Variants in PPL observed in about 807,000 individuals in gnomAD.
PPL encodes periplakin.
Under a neutral mutation model 194.4 loss-of-function variants are expected in PPL, and 198 were observed. That is an observed-to-expected ratio of 1.02 (90% CI 0.91 to 1.15). PPL has a LOEUF of 1.15. Ranked by LOEUF, PPL falls within the 50% of genes most tolerant of loss-of-function variation. The pLI is 0.00. For synonymous variants in PPL, 1,220 were observed against 972.4 expected, an observed-to-expected ratio of 1.25 and a Z score of -4.74; for missense variants, 2,885 against 2,294.8, an observed-to-expected ratio of 1.26 and a Z score of -5.25.
At chr16:4,925,955 G>T (rs964814230) in intron 1 of PPL, among the ~76,000 whole-genome samples, 1 of 152,166 alleles carries the variant, frequency 6.6e-6, no homozygotes, top group Admixed American at 6.5e-5. Flanking sequence ...CCCAGTGGTT[G>T]GTTGGGTAAG....
In PPL at chr16:4,886,096, A is replaced by C. The variant is rs764132336; in HGVS notation, c.2608-49T>G. 4 of 1,610,466 alleles carry C rather than the reference A, an allele frequency of 2.5e-6. 1 individual carries two copies. The African/African-American group carries it at 4.0e-5, about 16-fold the overall frequency. ...GGTTAAAGCCAGGCTCTGGCAGCACATGTAGGGCCTGTCCCCACCTGGTCA... is the reference window on the plus strand; with the variant it reads ...GGTTAAAGCCAGGCTCTGGCAGCACCTGTAGGGCCTGTCCCCACCTGGTCA... On this transcript the variant is annotated intron_variant, in intron 21 of 21. Transcript: ENST00000345988.
rs374149717 is a variant in PPL, at chr16:4,884,391, G to A, written c.4264C>T (p.Arg1422Trp). Residue 1422 changes from arginine (R) to tryptophan (W), a missense_variant, in exon 22 of 22, where the codon CGG becomes TGG. Transcript: ENST00000345988. The surrounding 1 kb of genome is among the most constrained non-coding windows in gnomAD (Gnocchi z 5.7). Reference protein sequence around the residue: ...ARREAEREVQRLQQRLAALEQ... With the variant: ...ARREAEREVQWLQQRLAALEQ... The stretch of plus-strand genomic sequence containing the variant: ...AGCGCTGCCAGCCGCTGCTGCAACC[G>A]CTGTACCTCGCGCTCGGCCTCCCTG... The A allele has an allele frequency of 7.8e-5, 125 of 1,609,814 alleles. No individual in the cohort carries two copies. Among genetic ancestry groups the A allele is most frequent in the Admixed American group, 3.2e-4 (19 of 59,030 alleles).
At chr16:4,897,081 T>C (rs2088444957) in intron 9 of PPL, among the ~76,000 whole-genome samples, 1 of 151,754 alleles carries the variant, frequency 6.6e-6, no homozygotes, top group Non-Finnish European at 1.5e-5. Flanking sequence ...ACACCTGTAA[T>C]CCCAACACTT....
intron 3 of PPL, among the ~76,000 whole-genome samples, chr16:4,903,004 CA>C (rs2088607900): frequency 6.6e-6 from 1 of 152,168 alleles, no homozygotes; most frequent in Non-Finnish European, 1.5e-5. Flanking sequence ...CACTTTCCCT[CA>C]ACCTTCCTTC....
intron 1 of PPL, among the ~76,000 whole-genome samples, chr16:4,928,842 C>G (rs2089191893): frequency 6.6e-6 from 1 of 151,920 alleles, no homozygotes; most frequent in Non-Finnish European, 1.5e-5. Flanking sequence ...GAAACCCCGT[C>G]TCTACTAAAA....
chr16:4,899,110 T>G lies in PPL; in HGVS notation c.779A>C (p.Asn260Thr), dbSNP rs143952365. 1.0e-4 allele frequency: 158 copies of G among 1,583,684 alleles called. No individual in the cohort carries two copies. In the African/African-American group the frequency reaches 1.9e-3, roughly 19 times the overall value. Residue 260 changes from asparagine to threonine, a missense_variant, in exon 8 of 22, where the codon AAC (asparagine) becomes ACC (threonine). Transcript: ENST00000345988. ...SRRRQYENFI[N>T]RNLEAKEERI... ...CTCCTCTTTGGCCTCCAGGTTCCGG[T>G]TGATGAAATTCTGCAGTGGGGGGCA... is the stretch of plus-strand genomic sequence containing the variant.
At chr16:4,895,763 A>C in intron 9 of PPL, 47 bp from the exon 10 acceptor site, 2 of 1,611,908 alleles carry the variant, frequency 1.2e-6, no homozygotes, top group Non-Finnish European at 1.7e-6. Flanking sequence ...CACTAGAAGC[A>C]CCTGGGCTTC....
Position 4,891,954 on chromosome 16 carries a change from G to A in PPL, c.1830-5C>T. The A allele has an allele frequency of 6.2e-7, 1 of 1,612,354 alleles. No homozygotes were observed. The highest frequency in any genetic ancestry group is 8.5e-7 in the Non-Finnish European group (1 of 1,179,510). On this transcript the variant is annotated splice_region_variant and splice_polypyrimidine_tract_variant and intron_variant, in intron 15 of 21. Transcript: ENST00000345988. ...AGGCGGTTGGCCACATCAACCCTGAGAGCACCAATCAGGCGTCGGGGGATG... is the reference window on the plus strand; with the variant it reads ...AGGCGGTTGGCCACATCAACCCTGAAAGCACCAATCAGGCGTCGGGGGATG...
chr16:4,917,999 C>A (rs376870697), intron 1 of PPL, among the ~76,000 whole-genome samples: 4 of 139,226 alleles, frequency 2.9e-5, no homozygotes, highest in African/African-American at 2.7e-5. Context: ...AAAAAAAAAA[C>A]ACAAAAAAGG....
rs199945441 is a variant in PPL at position 4,888,946 on chromosome 16, T to C, written c.2397+32A>G. On this transcript the variant is annotated intron_variant, in intron 19 of 21. Transcript: ENST00000345988. ...GCACGGTGGAATAAGACCCCTGCTG[T>C]TTGTGCTTTGGGCGGAAGTTTCCCG... is the stretch of plus-strand genomic sequence containing the variant. The C allele has an allele frequency of 3.8e-3, 6,143 of 1,602,412 alleles. 12 individuals carry two copies. Among genetic ancestry groups the C allele is most frequent in the Non-Finnish European group, 4.7e-3 (5,484 of 1,170,776 alleles).
intron 2 of PPL, among the ~76,000 whole-genome samples, chr16:4,908,135 C>T (rs1292791893): frequency 2.0e-5 from 3 of 147,096 alleles, no homozygotes; most frequent in East Asian, 4.0e-4. Context: ...GCACTCCAGC[C>T]TGGACAACAG....
intron 19 of PPL, chr16:4,888,605 G>A (rs1419091192): frequency 3.1e-6 from 1 of 320,666 alleles, no homozygotes; most frequent in East Asian, 5.8e-5. Flanking sequence ...TCAGGTGGAT[G>A]TGTGCTGATT....
chr16:4,912,099 GTCACTGGCT>G (rs1261073605), intron 1 of PPL, among the ~76,000 whole-genome samples: 4 of 152,198 alleles, frequency 2.6e-5, no homozygotes, highest in African/African-American at 9.7e-5. Context: ...AAAATACACA[GTCACTGGCT>G]TTTAGTACTA....
At chr16:4,889,758 G>A (rs541935351) in intron 18 of PPL, among the ~76,000 whole-genome samples, 12 of 152,344 alleles carry the variant, frequency 7.9e-5, no homozygotes, top group South Asian at 2.1e-4. Context: ...AGGTGGGGAT[G>A]TGGCTGATGG....
Position 4,895,293 on chromosome 16 carries a change from C to A in PPL, c.1210G>T (p.Val404Leu). Residue 404 changes from valine to leucine, a missense_variant, in exon 11 of 22, where the codon GTG becomes TTG. Transcript: ENST00000345988. ...CCCTCAAAGTCACAGAGTGCCTCCA[C>A]GGGGATGGGCTTGAGCGGAGTCTCC... The part of the protein sequence containing the change: ...RRETPLKPIP[V>L]EALCDFEGEQ... 2 of 1,611,752 alleles carry A rather than the reference C, an allele frequency of 1.2e-6. No individual in the cohort carries two copies. Among genetic ancestry groups the A allele is most frequent in the South Asian group, 1.1e-5 (1 of 91,042 alleles).
intron 1 of PPL, among the ~76,000 whole-genome samples, chr16:4,917,996 A>AC (rs1167686036): frequency 1.3e-5 from 2 of 151,548 alleles, no homozygotes; most frequent in South Asian, 4.2e-4. Context: ...CAAAAAAAAA[A>AC]AACACAAAAA....
chr16:4,888,310 G>T, intron 19 of PPL, 92 bp from the exon 20 acceptor site: 1 of 849,094 alleles, frequency 1.2e-6, no homozygotes, highest in Non-Finnish European at 2.0e-6. Context: ...ACCCAGACCT[G>T]CCCTGTGCCA....
chr16:4,883,938 G>T lies in PPL; in HGVS notation c.4717C>A (p.Gln1573Lys), dbSNP rs2037912. The change falls in exon 22 of 22, where the codon CAA becomes AAA. Residue 1573 changes from glutamine to lysine, a missense_variant. Transcript: ENST00000345988. The surrounding 1 kb of genome is among the most constrained non-coding windows in gnomAD (Gnocchi z 4.8). ...CTTCGGGTCTCCAGCTGCAGGTTTTGCCTCTCCAGCTGTAATTTGTGGTTC... is the reference window on the plus strand; with the variant it reads ...CTTCGGGTCTCCAGCTGCAGGTTTTTCCTCTCCAGCTGTAATTTGTGGTTC... The part of the protein sequence containing the change: ...EENHKLQLER[Q>K]NLQLETRRLQ... 2.5e-6 allele frequency: 4 copies of T among 1,613,806 alleles called. No homozygotes were observed. In the South Asian group the frequency reaches 4.4e-5, roughly 18 times the overall value.
Position 4,890,590 on chromosome 16 carries a change from CAG to C in PPL, c.2162+136_2162+137del, listed in dbSNP as rs1348265135. Reference sequence around the variant, plus strand: ...TAAGCATGACTCAAAAGAGAGACCACAGGGCCGTCAGAGAATCTGACGAACTC... The same window carrying C: ...TAAGCATGACTCAAAAGAGAGACCACGGCCGTCAGAGAATCTGACGAACTC... On this transcript the variant is annotated intron_variant, in intron 17 of 21. Transcript: ENST00000345988. The C allele has an allele frequency of 5.8e-5, 66 of 1,135,478 alleles. 1 individual carries two copies. In the Middle Eastern group the frequency reaches 8.2e-4, roughly 14 times the overall value. The allele number at this position is 1,135,478 out of a possible 1,614,324, so 70.3% of individuals were successfully genotyped here.
Sources: allele counts gnomAD v4.1 joint callset (sites outside exome capture counted in the v4.1 genomes callset), GRCh38; gene constraint gnomAD v4.1.1; non-coding constraint Gnocchi (gnomAD v3.1); transcripts MANE v1.5; gene names NCBI Gene and HGNC (gene_info 2026-07-23, HGNC 2026-07-21).